ACO1: variants seen among roughly 807,000 people sequenced by gnomAD.
ACO1 encodes cytoplasmic aconitate hydratase.
In ACO1, 78 loss-of-function variants were observed where a neutral mutation model predicts 105.1. The ratio of observed to expected loss-of-function variants is 0.74; its 90% CI spans 0.62 to 0.90. The LOEUF is 0.90. Ranked by LOEUF, ACO1 falls within the 40% of genes least tolerant of loss-of-function variation. The probability of loss-of-function intolerance (pLI) is 0.00; values close to 1 mark genes in which losing one functional copy is unlikely to be tolerated. For synonymous variants in ACO1, 364 were observed against 397.4 expected (o/e 0.92, Z 1.00); for missense variants, 965 against 1,111.1 (o/e 0.87, Z 1.87).
intron 19 of ACO1, among the ~76,000 whole-genome samples, chr9:32,447,075 T>C (rs1822629828): frequency 6.6e-6 from 1 of 152,092 alleles, no homozygotes; most frequent in African/African-American, 2.4e-5. Context: ...AGTATCTTTG[T>C]GGTGTTCCAT....
intron 19 of ACO1, among the ~76,000 whole-genome samples, chr9:32,444,763 G>A (rs1241881071): frequency 6.6e-6 from 1 of 152,086 alleles, no homozygotes; most frequent in Non-Finnish European, 1.5e-5. Flanking sequence ...TGTCATAATA[G>A]CTCTTACTAT....
intron 13 of ACO1, among the ~76,000 whole-genome samples, 155 bp downstream of exon 13, chr9:32,429,658 C>T (rs1449717570): frequency 6.6e-6 from 1 of 152,148 alleles, no homozygotes; most frequent in Admixed American, 6.5e-5. Flanking sequence ...GCTGGGTAAC[C>T]TTGGGCAAGT....
chr9:32,437,200 A>G (rs993640712), intron 18 of ACO1, among the ~76,000 whole-genome samples: 2 of 152,202 alleles, frequency 1.3e-5, no homozygotes, highest in African/African-American at 4.8e-5. Context: ...GATTTATGTA[A>G]TGCTCATAAC....
At chr9:32,406,601 T>C (rs1158838545) in intron 2 of ACO1, among the ~76,000 whole-genome samples, 1 of 152,186 alleles carries the variant, frequency 6.6e-6, no homozygotes, top group Non-Finnish European at 1.5e-5. Flanking sequence ...CCAGTCTGGG[T>C]AACAGAGTGA....
chr9:32,441,776 A>G (rs556282053), intron 19 of ACO1, among the ~76,000 whole-genome samples: 3 of 152,350 alleles, frequency 2.0e-5, no homozygotes, highest in African/African-American at 7.2e-5. Flanking sequence ...ACTTTTCTAT[A>G]GAACCGCTTG....
rs748693370 is a variant in ACO1, at chr9:32,439,071, A to C, written c.2248-1394A>C. Among the ~76,000 whole-genome samples, 3 of 152,182 alleles carry C rather than the reference A, an allele frequency of 2.0e-5. No homozygotes were observed. The highest frequency in any genetic ancestry group is 1.5e-5 in the Non-Finnish European group (1 of 68,028). Reference sequence around the variant, plus strand: ...TCTCAGCATGGCGTGTTTAATAGAAAAGTCAGGAGACGTGAGTTCTAGACC... The same window carrying C: ...TCTCAGCATGGCGTGTTTAATAGAACAGTCAGGAGACGTGAGTTCTAGACC... On this transcript the variant is annotated intron_variant, in intron 18 of 20. Transcript: ENST00000309951. The surrounding 1 kb of genome is among the most constrained non-coding windows in gnomAD (Gnocchi z 4.0).
intron 7 of ACO1, 61 bp downstream of exon 7, chr9:32,419,238 G>A: frequency 6.9e-7 from 1 of 1,455,426 alleles, no homozygotes; most frequent in Non-Finnish European, 9.1e-7. Context: ...TTCCAATGGA[G>A]GGAATACATA....
chr9:32,407,626 T>C (rs1821644651), intron 3 of ACO1, among the ~76,000 whole-genome samples, 197 bp downstream of exon 3: 2 of 152,186 alleles, frequency 1.3e-5, no homozygotes, highest in South Asian at 4.1e-4. Context: ...GAAACCAGGA[T>C]TGTGTCCAGC....
rs1245671103 is a variant in ACO1 at position 32,439,447 on chromosome 9, GTC to G, written c.2248-1012_2248-1011del. Among the ~76,000 whole-genome samples the G allele has an allele frequency of 2.6e-5, 4 of 152,146 alleles. No homozygotes were observed. The highest frequency in any genetic ancestry group is 9.7e-5 in the African/African-American group (4 of 41,424). ...TGTTTGAGAGTTTTCTTTAGCTCCT[GTC>G]TCTCTTTTGAGGAATTTTATCTTCT... On this transcript the variant is annotated intron_variant, in intron 18 of 20. Transcript: ENST00000309951. The surrounding 1 kb of genome is among the most constrained non-coding windows in gnomAD (Gnocchi z 4.0).
rs959346791 is a variant in ACO1, at chr9:32,422,524, G to C, written c.971-795G>C. 2.0e-5 allele frequency among the ~76,000 whole-genome samples: 3 copies of C among 152,194 alleles called. 1 individual carries two copies. In the South Asian group the frequency reaches 6.2e-4, roughly 31 times the overall value. On this transcript the variant is annotated intron_variant, in intron 8 of 20. Coordinates refer to ENST00000309951, the MANE Select transcript of ACO1 (RefSeq NM_002197.3). Reference sequence around the variant, plus strand: ...GATCAGCCAAAGGATCAAACCTTCTGTTTCTAACCATCAGAGAAATTGTGG... The same window carrying C: ...GATCAGCCAAAGGATCAAACCTTCTCTTTCTAACCATCAGAGAAATTGTGG...
rs779096825 is a variant in ACO1 at position 32,430,406 on chromosome 9, T to C, written c.1570-12T>C. 3 of 1,602,444 alleles carry C rather than the reference T, an allele frequency of 1.9e-6. No individual in the cohort carries two copies. The highest frequency in any genetic ancestry group is 2.7e-5 in the African/African-American group (2 of 74,278). On this transcript the variant is annotated splice_polypyrimidine_tract_variant and intron_variant, in intron 13 of 20. Coordinates refer to ENST00000309951, the MANE Select transcript of ACO1 (RefSeq NM_002197.3). Reference sequence around the variant, plus strand: ...TCTTTTAGTGACCTGATTTTTCTCTTGCCTTACTCAGGGAGACCTTGTAGC... The same window carrying C: ...TCTTTTAGTGACCTGATTTTTCTCTCGCCTTACTCAGGGAGACCTTGTAGC...
chr9:32,398,741 G>A (rs1025096325), intron 1 of ACO1, among the ~76,000 whole-genome samples: 7 of 151,838 alleles, frequency 4.6e-5, no homozygotes, highest in Admixed American at 2.6e-4. Flanking sequence ...CTACAGGTGT[G>A]GGACACCATG....
chr9:32,430,419 G>A lies in ACO1; in HGVS notation c.1571G>A (p.Gly524Glu), dbSNP rs773545224. The A allele has an allele frequency of 3.1e-6, 5 of 1,607,848 alleles. No homozygotes were observed. Among genetic ancestry groups the A allele is most frequent in the Non-Finnish European group, 4.2e-6 (5 of 1,177,628 alleles). ...PEPVVEAITQGDLVAVGVLSG... is the reference protein window; with the variant it reads ...PEPVVEAITQEDLVAVGVLSG... ...TGATTTTTCTCTTGCCTTACTCAGG[G>A]AGACCTTGTAGCTGTTGGAGTACTA... Residue 524 changes from glycine to glutamate, a missense_variant and splice_region_variant, in exon 14 of 21, where the codon GGA (glycine) becomes GAA (glutamate). Coordinates refer to ENST00000309951, the MANE Select transcript of ACO1 (RefSeq NM_002197.3).
chr9:32,421,096 C>A, intron 8 of ACO1, 69 bp downstream of exon 8: 1 of 1,508,738 alleles, frequency 6.6e-7, no homozygotes, highest in Non-Finnish European at 9.1e-7. Context: ...AATCTGAGCA[C>A]TGCCTTCTGC....
intron 19 of ACO1, 55 bp from the exon 20 acceptor site, chr9:32,448,841 G>A: frequency 1.3e-6 from 2 of 1,596,900 alleles, no homozygotes; most frequent in Non-Finnish European, 8.6e-7. Context: ...TTGTAAACCT[G>A]TGTATCCAAA....
chr9:32,418,365 C>A lies in ACO1; in HGVS notation c.512C>A (p.Pro171His). The A allele has an allele frequency of 1.2e-6, 2 of 1,614,104 alleles. No homozygotes were observed. Among genetic ancestry groups the A allele is most frequent in the Non-Finnish European group, 1.7e-6 (2 of 1,180,024 alleles). The change falls in exon 6 of 21, where the codon CCC (proline) becomes CAC (histidine). Residue 171 changes from proline to histidine, a missense_variant. Pro to His is a moderately conservative substitution (Grantham distance 77). Transcript: ENST00000309951. The stretch of plus-strand genomic sequence containing the variant: ...GCTTTTCACAACATGCGGATTATTC[C>A]CCCTGGCTCAGGAATCATCCACCAG... ...SQAFHNMRII[P>H]PGSGIIHQVN...
chr9:32,420,906 T>C lies in ACO1; in HGVS notation c.849T>C (p.Pro283=). Residue 283 remains proline (P), a synonymous_variant, in exon 8 of 21, where the codon CCT becomes CCC. Coordinates refer to ENST00000309951, the MANE Select transcript of ACO1 (RefSeq NM_002197.3). The part of the protein sequence containing the change: ...VVGKFVEFFG[P]GVAQLSIADR... ...GCAAATTTGTCGAGTTCTTCGGGCCTGGAGTAGCCCAGTTGTCCATTGCTG... is the reference window on the plus strand; with the variant it reads ...GCAAATTTGTCGAGTTCTTCGGGCCCGGAGTAGCCCAGTTGTCCATTGCTG... 6.2e-7 allele frequency: 1 copy of C among 1,614,036 alleles called. No homozygotes were observed. Among genetic ancestry groups the C allele is most frequent in the Non-Finnish European group, 8.5e-7 (1 of 1,179,904 alleles).
intron 15 of ACO1, 62 bp from the exon 16 acceptor site, chr9:32,433,666 T>C: frequency 8.0e-7 from 1 of 1,255,026 alleles, no homozygotes; most frequent in South Asian, 1.3e-5. Flanking sequence ...GTTTTGTGTT[T>C]GCATATTAAA....
Position 32,387,695 on chromosome 9 carries a change from CT to C in ACO1, c.-23+2965del, listed in dbSNP as rs1255343868. On this transcript the variant is annotated intron_variant, in intron 1 of 20. Transcript: ENST00000309951. ...GGGACAGGTAGTGAAATATTTTAGG[CT>C]TTTTGGGTTATGGTTATACAGTTTC... is the stretch of plus-strand genomic sequence containing the variant. 2.0e-5 allele frequency among the ~76,000 whole-genome samples: 3 copies of C among 152,114 alleles called. No homozygotes were observed. In the East Asian group the frequency reaches 5.8e-4, roughly 29 times the overall value.
Sources: allele counts gnomAD v4.1 joint callset (sites outside exome capture counted in the v4.1 genomes callset), GRCh38; gene constraint gnomAD v4.1.1; non-coding constraint Gnocchi (gnomAD v3.1); transcripts MANE v1.5; gene names NCBI Gene and HGNC (gene_info 2026-07-23, HGNC 2026-07-21).